DENND2B: variants seen among roughly 807,000 people sequenced by gnomAD.
DENND2B encodes the protein DENN domain containing 2B, also known as DENN domain-containing protein 2B.
DENND2B carries 32 observed loss-of-function variants against 116.0 expected under a neutral mutation model. The observed-to-expected ratio is 0.28, with a 90% CI of 0.21 to 0.37. The LOEUF is 0.37. DENND2B is among the 10% of genes least tolerant of loss of function. The probability of loss-of-function intolerance (pLI) is 1.00; values close to 1 mark genes in which losing one functional copy is unlikely to be tolerated. For missense variants in DENND2B, 1,276 were observed against 1,477.7 expected (o/e 0.86, Z 2.24); for synonymous variants, 588 against 583.9 (o/e 1.01, Z -0.10).
intron 1 of DENND2B, among the ~76,000 whole-genome samples, chr11:8,802,112 C>CCACA (rs2060402678): frequency 6.6e-6 from 1 of 151,494 alleles, no homozygotes; most frequent in Non-Finnish European, 1.5e-5. Flanking sequence ...ACCAGCGTGG[C>CCACA]TAATATGGCG....
intron 4 of DENND2B, among the ~76,000 whole-genome samples, chr11:8,836,350 A>G (rs1274552770): frequency 6.6e-6 from 1 of 151,750 alleles, no homozygotes; most frequent in African/African-American, 2.4e-5. Flanking sequence ...GGGCACAGCA[A>G]CAGTGAGCAT....
At chr11:8,710,972 C>G (rs948393293) in intron 10 of DENND2B, 58 bp from the exon 11 acceptor site, 3 of 1,601,220 alleles carry the variant, frequency 1.9e-6, no homozygotes, top group Non-Finnish European at 2.6e-6. Context: ...GAAACAGCCC[C>G]CAAGAATAGG....
At position 8,755,921 on chromosome 11, in the gene DENND2B, A is replaced by C. The variant is rs376595421; in HGVS notation, c.-25-5196T>G. ...AGATACTCTCTACCTGTATCAGCCC[A>C]GTGCCAAGTAAAGTGCTTGGCATAT... On this transcript the variant is annotated intron_variant, in intron 1 of 19. Coordinates refer to ENST00000313726, the MANE Select transcript of DENND2B (RefSeq NM_213618.2). Among the ~76,000 whole-genome samples, 42 of 152,342 alleles carry C rather than the reference A, an allele frequency of 2.8e-4. 1 individual carries two copies. In the East Asian group the frequency reaches 5.8e-3, roughly 21 times the overall value.
At chr11:8,826,398 T>G (rs1401381969) in intron 4 of DENND2B, among the ~76,000 whole-genome samples, 3 of 152,214 alleles carry the variant, frequency 2.0e-5, no homozygotes, top group Non-Finnish European at 2.9e-5. Context: ...CCTCCTATAC[T>G]AAGCTGTCAT....
At chr11:8,794,143 A>C (rs2059615517) in intron 1 of DENND2B, among the ~76,000 whole-genome samples, 1 of 152,240 alleles carries the variant, frequency 6.6e-6, no homozygotes, top group Non-Finnish European at 1.5e-5. Flanking sequence ...TTATTTTAAA[A>C]AATGTCTTAA....
intron 1 of DENND2B, among the ~76,000 whole-genome samples, chr11:8,767,736 A>T (rs2056111083): frequency 6.6e-6 from 1 of 152,208 alleles, no homozygotes; most frequent in Admixed American, 6.5e-5. Flanking sequence ...GTAAAGGTAG[A>T]TAAGATTAGT....
chr11:8,820,967 C>T (rs2061738087), intron 4 of DENND2B, among the ~76,000 whole-genome samples: 1 of 151,580 alleles, frequency 6.6e-6, no homozygotes, highest in South Asian at 2.1e-4. Context: ...ACCAAAAATA[C>T]AAAAATTAGC....
intron 4 of DENND2B, 42 bp downstream of exon 4, chr11:8,726,031 G>A (rs1319492547): frequency 1.2e-6 from 2 of 1,612,474 alleles, no homozygotes; most frequent in African/African-American, 2.7e-5. Flanking sequence ...TTCTTCTGCA[G>A]CCCCCTGAGA....
chr11:8,724,013 G>A (rs532083791), intron 4 of DENND2B, among the ~76,000 whole-genome samples: 16 of 152,346 alleles, frequency 1.1e-4, no homozygotes, highest in African/African-American at 3.8e-4. Context: ...CTCTTCATAA[G>A]ATTCCAGGCT....
chr11:8,794,369 G>A (rs746755657), intron 1 of DENND2B, among the ~76,000 whole-genome samples: 5 of 152,168 alleles, frequency 3.3e-5, no homozygotes, highest in Admixed American at 2.0e-4. Context: ...CAAAATAGAC[G>A]ACAGCTGTGT....
chr11:8,887,811 T>G (rs1440675857), intron 1 of DENND2B, among the ~76,000 whole-genome samples: 1 of 152,156 alleles, frequency 6.6e-6, no homozygotes, highest in Non-Finnish European at 1.5e-5. Context: ...CCAAGGCACC[T>G]CAGATAACAA....
chr11:8,858,636 C>T (rs1201776707), intron 2 of DENND2B, among the ~76,000 whole-genome samples: 1 of 152,148 alleles, frequency 6.6e-6, no homozygotes, highest in Admixed American at 6.5e-5. Context: ...AGTGTGATAG[C>T]ATTCCATATG....
intron 4 of DENND2B, among the ~76,000 whole-genome samples, chr11:8,836,771 G>GTT (rs1281249448): frequency 1.3e-5 from 2 of 152,178 alleles, no homozygotes; most frequent in Non-Finnish European, 2.9e-5. Context: ...CTGGAGTGCA[G>GTT]TGGCACGATC....
chr11:8,785,243 T>A (rs1268744724), intron 1 of DENND2B: 1 of 152,202 alleles, frequency 6.6e-6, no homozygotes, highest in East Asian at 1.9e-4. Context: ...AATCCTGAAT[T>A]TGCCGTGTCA....
At chr11:8,796,493 C>T (rs980403220) in intron 1 of DENND2B, among the ~76,000 whole-genome samples, 5 of 152,196 alleles carry the variant, frequency 3.3e-5, no homozygotes, top group African/African-American at 9.6e-5. Flanking sequence ...GAGCCAAGAC[C>T]ATGCCACTGC....
At chr11:8,694,740 CATT>C in intron 19 of DENND2B, 1 of 405,916 alleles carries the variant, frequency 2.5e-6, no homozygotes, top group Admixed American at 3.1e-5. Context: ...TTTTTCTCGT[CATT>C]ATTCCCTAAA....
At chr11:8,885,267 T>C (rs1012477501) in intron 1 of DENND2B, among the ~76,000 whole-genome samples, 2 of 152,256 alleles carry the variant, frequency 1.3e-5, no homozygotes, top group Non-Finnish European at 2.9e-5. Flanking sequence ...TGCATATCAG[T>C]CTCATCACAG....
chr11:8,779,113 G>A (rs555967653), intron 1 of DENND2B, among the ~76,000 whole-genome samples: 14 of 152,364 alleles, frequency 9.2e-5, no homozygotes, highest in East Asian at 1.9e-4. Flanking sequence ...AACAGCAAAC[G>A]ATGCAAGTGT....
intron 1 of DENND2B, among the ~76,000 whole-genome samples, chr11:8,893,059 G>C (rs1441670884): frequency 6.6e-6 from 1 of 152,050 alleles, no homozygotes; most frequent in Admixed American, 6.6e-5. Flanking sequence ...ATGATCAAGT[G>C]GGCTTCATCC....
Sources: allele counts gnomAD v4.1 joint callset (sites outside exome capture counted in the v4.1 genomes callset), GRCh38; gene constraint gnomAD v4.1.1; transcripts MANE v1.5; gene names NCBI Gene and HGNC (gene_info 2026-07-23, HGNC 2026-07-21).